CLPX: variants seen among roughly 807,000 people sequenced by gnomAD.
CLPX encodes the protein ATP-dependent clpX-like chaperone, mitochondrial.
Under a neutral mutation model 76.4 loss-of-function variants are expected in CLPX, and 34 were observed. That is an observed-to-expected ratio of 0.45 (90% CI 0.34 to 0.59). The LOEUF (loss-of-function observed/expected upper bound fraction) is 0.59. CLPX is among the 20% of genes least tolerant of loss of function. CLPX has a pLI of 0.01. For synonymous variants in CLPX, 248 were observed against 270.9 expected (o/e 0.92, Z 0.83); for missense variants, 613 against 757.0 (o/e 0.81, Z 2.23).
chr15:65,169,291 G>A (rs570194579), intron 3 of CLPX, among the ~76,000 whole-genome samples: 17 of 152,194 alleles, frequency 1.1e-4, no homozygotes, highest in African/African-American at 3.9e-4. Context: ...TGTAGAGACA[G>A]GGTCTCATGA....
At chr15:65,166,839 G>A (rs923392400) in intron 3 of CLPX, 54 bp from the exon 4 acceptor site, 156 of 1,531,222 alleles carry the variant, frequency 1.0e-4, no homozygotes, top group Non-Finnish European at 1.2e-4. Context: ...TTCCAATAGT[G>A]TTTAACCTTA....
chr15:65,175,184 A>G (rs1208778994), intron 3 of CLPX, among the ~76,000 whole-genome samples: 1 of 152,194 alleles, frequency 6.6e-6, no homozygotes, highest in Non-Finnish European at 1.5e-5. Context: ...GTATCCAAAT[A>G]AATGCAGACT....
intron 9 of CLPX, chr15:65,156,634 A>T (rs2087792625): frequency 2.1e-6 from 1 of 472,510 alleles, no homozygotes; most frequent in Non-Finnish European, 3.7e-6. Context: ...TCTTCAAAAT[A>T]TTTTAAATTT....
Position 65,180,146 on chromosome 15 carries a change from A to T in CLPX, c.138T>A (p.Thr46=). The change falls in exon 2 of 14, where the codon ACT becomes ACA. Residue 46 remains threonine, a synonymous_variant. Coordinates refer to ENST00000300107, the MANE Select transcript of CLPX (RefSeq NM_006660.5). ...TAAGAGGAGCTCTTTGCAGAATCTG[A>T]GTTTCAAATGTCCCAAGCCTTCCTA... is the stretch of plus-strand genomic sequence containing the variant. ...SVLGRLGTFE[T]QILQRAPLRS... is the part of the protein sequence containing the mutation. The T allele has an allele frequency of 6.2e-7, 1 of 1,612,916 alleles. No homozygotes were observed. Among genetic ancestry groups the T allele is most frequent in the Non-Finnish European group, 8.5e-7 (1 of 1,179,232 alleles).
At chr15:65,160,327 C>T (rs895949066) in intron 6 of CLPX, among the ~76,000 whole-genome samples, 24 of 152,114 alleles carry the variant, frequency 1.6e-4, no homozygotes, top group African/African-American at 5.3e-4. Flanking sequence ...TTAAATTGTG[C>T]TACCTTTGAG....
rs200533693 is a variant in CLPX at position 65,185,035 on chromosome 15, C to G, written c.79+40G>C. 15,234 of 1,524,324 alleles carry G rather than the reference C, an allele frequency of 1.0e-2. 113 individuals are homozygous for G. The highest frequency in any genetic ancestry group is 0.012 in the Middle Eastern group (70 of 5,924). 94.4% of individuals were successfully genotyped at this position (1,524,324 alleles called of 1,614,324 possible). Reference sequence around the variant, plus strand: ...AACCATTGGCCAGTCCACCCCCCCCCCGACAGGCTGAGGGCTCAGGAGTGG... The same window carrying G: ...AACCATTGGCCAGTCCACCCCCCCCGCGACAGGCTGAGGGCTCAGGAGTGG... On this transcript the variant is annotated intron_variant, in intron 1 of 13. Transcript: ENST00000300107.
intron 5 of CLPX, 38 bp downstream of exon 5, chr15:65,163,991 T>C (rs372497246): frequency 2.3e-5 from 36 of 1,552,672 alleles, no homozygotes; most frequent in Admixed American, 1.0e-4. Flanking sequence ...CTTTTAAGCA[T>C]AGCAATCTCT....
In CLPX at chr15:65,154,849, A is replaced by G; in HGVS notation, c.1544T>C (p.Val515Ala). The G allele has an allele frequency of 6.2e-7, 1 of 1,614,180 alleles. No individual in the cohort carries two copies. Among genetic ancestry groups the G allele is most frequent in the Non-Finnish European group, 8.5e-7 (1 of 1,179,968 alleles). Reference sequence around the variant, plus strand: ...ATTTCGTGGCTCAGTTAATATTTGTACAAGTGTTTTCTCATCTAGGCTATG... The same window carrying G: ...ATTTCGTGGCTCAGTTAATATTTGTGCAAGTGTTTTCTCATCTAGGCTATG... ...PLHSLDEKTL[V>A]QILTEPRNAV... Residue 515 changes from valine (V) to alanine (A), a missense_variant, in exon 11 of 14, where the codon GTA becomes GCA. Physicochemically the swap from Val to Ala is moderately conservative, Grantham distance 64 (BLOSUM62 0). Coordinates refer to ENST00000300107, the MANE Select transcript of CLPX (RefSeq NM_006660.5).
At position 65,153,652 on chromosome 15, in the gene CLPX, T is replaced by A; in HGVS notation, c.1612-13A>T. On this transcript the variant is annotated splice_polypyrimidine_tract_variant and intron_variant, in intron 11 of 13. Transcript: ENST00000300107. ...CATTCAGTTCACACTACAAATACAT[T>A]AAAAATAAATTATAACTTTTATTGT... 7.2e-7 allele frequency: 1 copy of A among 1,392,496 alleles called. No homozygotes were observed. Among genetic ancestry groups the A allele is most frequent in the Non-Finnish European group, 9.8e-7 (1 of 1,019,366 alleles). The allele number at this position is 1,392,496 out of a possible 1,614,324, so 86.3% of individuals were successfully genotyped here.
chr15:65,154,488 A>G (rs1266172131), intron 11 of CLPX, among the ~76,000 whole-genome samples: 1 of 152,244 alleles, frequency 6.6e-6, no homozygotes, highest in Admixed American at 6.5e-5. Context: ...TTAGAATACC[A>G]AGACTGAAAG....
At position 65,185,081 on chromosome 15, in the gene CLPX, G is replaced by C; in HGVS notation, c.73C>G (p.Gln25Glu). 1.9e-6 allele frequency: 3 copies of C among 1,576,108 alleles called. No individual in the cohort carries two copies. The highest frequency in any genetic ancestry group is 2.6e-6 in the Non-Finnish European group (3 of 1,162,112). The change falls in exon 1 of 14, where the codon CAG (glutamine) becomes GAG (glutamate). Residue 25 changes from glutamine to glutamate, a missense_variant. Around this residue, in one of 2 missense-constraint regions of CLPX, gnomAD observed 163 missense variants for 118.4 expected, o/e 1.38. Transcript: ENST00000300107. ...RLITSSLASA[Q>E]RGISGGRIHM... ...AGTGGCACTATTTCGTTACCTCTCT[G>C]CGCGGAGGCGAGTGAGGAGGTGATG...
At chr15:65,171,729 G>A (rs2088009926) in intron 3 of CLPX, among the ~76,000 whole-genome samples, 1 of 152,194 alleles carries the variant, frequency 6.6e-6, no homozygotes, top group African/African-American at 2.4e-5. Flanking sequence ...ATCTAGTTCA[G>A]GCAGTGTGAC....
chr15:65,170,981 C>A (rs991305134), intron 3 of CLPX, among the ~76,000 whole-genome samples: 2 of 151,658 alleles, frequency 1.3e-5, no homozygotes, highest in Non-Finnish European at 2.9e-5. Flanking sequence ...TGCCACCACA[C>A]CCAGCTCATT....
chr15:65,176,447 T>C (rs1408331358), intron 3 of CLPX, among the ~76,000 whole-genome samples: 1 of 152,358 alleles, frequency 6.6e-6, no homozygotes, highest in East Asian at 1.9e-4. Context: ...TTAAACTTGC[T>C]AAATCTCAGT....
chr15:65,166,440 A>G (rs1435471044), intron 4 of CLPX, among the ~76,000 whole-genome samples, 191 bp downstream of exon 4: 1 of 152,240 alleles, frequency 6.6e-6, no homozygotes, highest in African/African-American at 2.4e-5. Flanking sequence ...TAATCATAAC[A>G]TGGGAAAAAG....
chr15:65,150,574 A>T lies in CLPX; in HGVS notation c.*249T>A, dbSNP rs532577668. The T allele has an allele frequency of 4.7e-5, 14 of 298,296 alleles. No homozygotes were observed. Among genetic ancestry groups the T allele is most frequent in the East Asian group, 1.7e-4 (3 of 17,922 alleles). The allele number at this position is 298,296 out of a possible 1,614,324, so 18.5% of individuals were successfully genotyped here. On this transcript the variant is annotated 3_prime_UTR_variant, in exon 14 of 14. Transcript: ENST00000300107. ...AATTTTGTTAAAGCATATTTTTTTT[A>T]AAAAACTGAACCAAAATAATGTACA... is the stretch of plus-strand genomic sequence containing the variant.
At position 65,158,527 on chromosome 15, in the gene CLPX, A is replaced by G. The variant is rs779385063; in HGVS notation, c.892+48T>C. On this transcript the variant is annotated intron_variant, in intron 7 of 13. Coordinates refer to ENST00000300107, the MANE Select transcript of CLPX (RefSeq NM_006660.5). ...AGATACAGGTTATAGAATCATTTAT[A>G]TTCTGATTTTTAAAATGAGTAGTAA... 33 of 1,475,202 alleles carry G rather than the reference A, an allele frequency of 2.2e-5. No homozygotes were observed. In the African/African-American group the frequency reaches 3.9e-4, roughly 18 times the overall value. The allele number at this position is 1,475,202 out of a possible 1,614,324, so 91.4% of individuals were successfully genotyped here. A position where few individuals can be genotyped will look rare whatever the true frequency, so the allele number is the denominator to read the frequency against.
intron 8 of CLPX, 41 bp downstream of exon 8, chr15:65,157,705 C>T: frequency 6.5e-7 from 1 of 1,550,120 alleles, no homozygotes; most frequent in Non-Finnish European, 8.8e-7. Context: ...ACTGATTCCC[C>T]AATATTCTAA....
chr15:65,166,710 C>G lies in CLPX; in HGVS notation c.434G>C (p.Ser145Thr), dbSNP rs2087919163. 1 of 1,613,928 alleles carries G rather than the reference C, an allele frequency of 6.2e-7. No homozygotes were observed. The highest frequency in any genetic ancestry group is 1.7e-5 in the Admixed American group (1 of 59,988). Residue 145 changes from serine to threonine, a missense_variant, in exon 4 of 14, where the codon AGC becomes ACC. By Grantham distance (58) the Ser-to-Thr change is moderately conservative. Around this residue, in one of 2 missense-constraint regions of CLPX, gnomAD observed 450 missense variants for 638.6 expected, o/e 0.70. Transcript: ENST00000300107. ...TGCTGATTCAGGTTCTTTAATTATG[C>G]TTTTCTTTGAGTCTGCTTCAGATAG... ...VVLSEADSKKSIIKEPESAAE... is the reference protein window; with the variant it reads ...VVLSEADSKKTIIKEPESAAE...
Sources: gnomAD v4.1 joint callset for allele counts (sites outside exome capture counted in the v4.1 genomes callset) on GRCh38, gnomAD v4.1.1 for gene constraint, gnomAD v4.1.1 regional missense constraint, MANE v1.5 for transcripts, NCBI Gene and HGNC (gene_info 2026-07-23, HGNC 2026-07-21) for gene names.